DYNC2H1: variants seen among roughly 807,000 people sequenced by gnomAD.
DYNC2H1 encodes the protein cytoplasmic dynein 2 heavy chain 1.
In DYNC2H1, 410 loss-of-function variants were observed where a neutral mutation model predicts 570.0. The observed-to-expected ratio is 0.72, with a 90% CI of 0.66 to 0.78. The LOEUF (loss-of-function observed/expected upper bound fraction) is 0.78. DYNC2H1 is among the 30% of genes least tolerant of loss of function. The probability of loss-of-function intolerance (pLI) is 0.00; values close to 1 mark genes in which losing one functional copy is unlikely to be tolerated. For missense variants in DYNC2H1, 4,865 were observed against 5,046.4 expected, an observed-to-expected ratio of 0.96 and a Z score of 1.09; for synonymous variants, 1,688 against 1,677.6, an observed-to-expected ratio of 1.01 and a Z score of -0.15.
At chr11:103,266,294 G>A (rs1565445875) in intron 70 of DYNC2H1, among the ~76,000 whole-genome samples, 1 of 152,218 alleles carries the variant, frequency 6.6e-6, no homozygotes, top group Non-Finnish European at 1.5e-5. Flanking sequence ...CACAGCTGCG[G>A]GGAGGGCATG....
intron 84 of DYNC2H1, among the ~76,000 whole-genome samples, chr11:103,418,149 A>G (rs1025871749): frequency 4.0e-5 from 6 of 150,640 alleles, no homozygotes; most frequent in African/African-American, 9.8e-5. Context: ...CTTCTATTCA[A>G]TGTTGCACCA....
At chr11:103,341,758 A>G (rs1939451934) in intron 82 of DYNC2H1, among the ~76,000 whole-genome samples, 2 of 152,206 alleles carry the variant, frequency 1.3e-5, no homozygotes, top group Admixed American at 1.3e-4. Context: ...GAATTTAACA[A>G]ACTTAGTAAA....
At chr11:103,423,426 A>C (rs866620714) in intron 84 of DYNC2H1, among the ~76,000 whole-genome samples, 3,885 of 90,972 alleles carry the variant, frequency 0.043, 141 homozygotes, top group African/African-American at 0.17. Context: ...AAAAAAAAAA[A>C]AAAAAAAAAA....
intron 53 of DYNC2H1, 148 bp from the exon 54 acceptor site, chr11:103,211,641 T>G: frequency 2.7e-6 from 1 of 377,180 alleles, no homozygotes; most frequent in Non-Finnish European, 4.7e-6. Context: ...GGAATGCCTG[T>G]GCATCTTTAA....
In DYNC2H1 at chr11:103,446,077, G is replaced by T. The variant is rs1226985591; in HGVS notation, c.12457-9109G>T. ...GTTGTTGTTGTTGTTGTTTAGGGAGGAGGGGAGTGGTCTTGCAAATTAAAA... is the reference window on the plus strand; with the variant it reads ...GTTGTTGTTGTTGTTGTTTAGGGAGTAGGGGAGTGGTCTTGCAAATTAAAA... On this transcript the variant is annotated intron_variant, in intron 85 of 88. Transcript: ENST00000375735. This position sits in a 1 kb window ranked among gnomAD's most constrained non-coding sequence, Gnocchi z 4.5. 7.0e-6 allele frequency among the ~76,000 whole-genome samples: 1 copy of T among 143,442 alleles called. No homozygotes were observed. The highest frequency in any genetic ancestry group is 2.5e-5 in the African/African-American group (1 of 39,704). The allele number at this position is 143,442 out of a possible 152,430, so 94.1% of individuals were successfully genotyped here. A position where few individuals can be genotyped will look rare whatever the true frequency, so the allele number is the denominator to read the frequency against.
chr11:103,390,475 T>G (rs1456926562), intron 83 of DYNC2H1, among the ~76,000 whole-genome samples: 1 of 152,158 alleles, frequency 6.6e-6, no homozygotes, highest in Non-Finnish European at 1.5e-5. Context: ...TGTCTTTTAA[T>G]TGGAGCATTT....
intron 84 of DYNC2H1, among the ~76,000 whole-genome samples, chr11:103,435,122 C>A (rs1241913111): frequency 6.6e-6 from 1 of 152,064 alleles, no homozygotes; most frequent in Non-Finnish European, 1.5e-5. Flanking sequence ...TAAAGGGATT[C>A]GATGTTTTCT....
At chr11:103,224,332 G>C (rs1863717440) in intron 59 of DYNC2H1, among the ~76,000 whole-genome samples, 1 of 151,978 alleles carries the variant, frequency 6.6e-6, no homozygotes, top group African/African-American at 2.4e-5. Flanking sequence ...GGTGATTTCA[G>C]AGATTTTGGT....
At chr11:103,191,049 T>C (rs1442279762) in intron 45 of DYNC2H1, among the ~76,000 whole-genome samples, 3 of 147,276 alleles carry the variant, frequency 2.0e-5, no homozygotes, top group East Asian at 3.9e-4. Flanking sequence ...TTTTCTTTTT[T>C]TTTTTTTTGA....
rs1938358047 is a variant in DYNC2H1, at chr11:103,324,243, G to C, written c.12039+253G>C. 1.3e-5 allele frequency among the ~76,000 whole-genome samples: 2 copies of C among 152,010 alleles called. No homozygotes were observed. Among genetic ancestry groups the C allele is most frequent in the Non-Finnish European group, 2.9e-5 (2 of 67,992 alleles). On this transcript the variant is annotated intron_variant, in intron 82 of 88. Coordinates refer to ENST00000375735, the MANE Select transcript of DYNC2H1 (RefSeq NM_001377.3). The surrounding 1 kb of genome is among the most constrained non-coding windows in gnomAD (Gnocchi z 5.2). The stretch of plus-strand genomic sequence containing the variant: ...ACATAGGTAAATTGTGTGTCGTAAG[G>C]GTTTGGTGTACAGATTATTTTATCA...
intron 65 of DYNC2H1, among the ~76,000 whole-genome samples, chr11:103,246,142 T>A (rs1040932470): frequency 2.6e-5 from 4 of 152,026 alleles, no homozygotes; most frequent in Admixed American, 6.6e-5. Flanking sequence ...ATCCTCTTAA[T>A]ATATTTTATG....
chr11:103,273,071 T>G (rs1865771901), intron 70 of DYNC2H1, among the ~76,000 whole-genome samples: 1 of 150,994 alleles, frequency 6.6e-6, no homozygotes, highest in Non-Finnish European at 1.5e-5. Context: ...TTTGACAGTT[T>G]TTTTAAAAAA....
intron 30 of DYNC2H1, among the ~76,000 whole-genome samples, chr11:103,165,583 C>G (rs1226290152): frequency 6.6e-6 from 1 of 152,060 alleles, no homozygotes; most frequent in East Asian, 1.9e-4. Flanking sequence ...TGAAAAGAAG[C>G]CATTTCTGAA....
At chr11:103,443,222 C>G (rs1381070000) in intron 85 of DYNC2H1, among the ~76,000 whole-genome samples, 1 of 151,942 alleles carries the variant, frequency 6.6e-6, no homozygotes, top group Non-Finnish European at 1.5e-5. Flanking sequence ...TCAATCATAG[C>G]CTTCACCACA....
chr11:103,153,564 C>A (rs1860673188), intron 22 of DYNC2H1, 56 bp downstream of exon 22: 3 of 1,401,394 alleles, frequency 2.1e-6, no homozygotes, highest in Admixed American at 2.5e-5. Context: ...ATTTATATAT[C>A]AAGCTAGTAA....
At chr11:103,173,388 C>A in intron 35 of DYNC2H1, 83 bp downstream of exon 35, 1 of 945,358 alleles carries the variant, frequency 1.1e-6, no homozygotes, top group East Asian at 3.3e-5. Context: ...TTCATATTTT[C>A]TCAATTCACC....
intron 88 of DYNC2H1, among the ~76,000 whole-genome samples, chr11:103,478,470 A>T (rs1010394624): frequency 6.6e-6 from 1 of 152,198 alleles, no homozygotes; most frequent in Non-Finnish European, 1.5e-5. Context: ...AGTACCACCT[A>T]TGCGGTATTT....
chr11:103,327,205 A>C (rs1306045756), intron 82 of DYNC2H1, among the ~76,000 whole-genome samples: 2 of 151,312 alleles, frequency 1.3e-5, no homozygotes, highest in Non-Finnish European at 2.9e-5. Flanking sequence ...GATCTGCCCA[A>C]ATTTTGTTGG....
intron 54 of DYNC2H1, 23 bp from the exon 55 acceptor site, chr11:103,215,695 TGCC>T: frequency 6.5e-7 from 1 of 1,540,672 alleles, no homozygotes; most frequent in South Asian, 1.3e-5. Context: ...TTTAAAATAT[TGCC>T]GATCAATATT....
Sources: gnomAD v4.1 joint callset for allele counts (sites outside exome capture counted in the v4.1 genomes callset) on GRCh38, gnomAD v4.1.1 for gene constraint, Gnocchi (gnomAD v3.1) non-coding constraint, MANE v1.5 for transcripts, NCBI Gene and HGNC (gene_info 2026-07-23, HGNC 2026-07-21) for gene names.